Variants in CHRM3 observed in about 807,000 individuals in gnomAD.
The protein encoded by CHRM3 is cholinergic receptor muscarinic 3.
A neutral mutation model predicts 41.8 loss-of-function variants in CHRM3; 11 were observed. The observed-to-expected ratio is 0.26, with a 90% CI of 0.17 to 0.44. The LOEUF is 0.44. CHRM3 is among the 20% of genes least tolerant of loss of function. The probability of loss-of-function intolerance (pLI) is 1.00; values close to 1 mark genes in which losing one functional copy is unlikely to be tolerated. For synonymous variants in CHRM3, 297 were observed against 301.4 expected (o/e 0.99, Z 0.15); for missense variants, 571 against 745.4 (o/e 0.77, Z 2.72).
chr1:239,686,096 TCTC>T (rs1659122625), intron 5 of CHRM3, among the ~76,000 whole-genome samples: 1 of 152,138 alleles, frequency 6.6e-6, no homozygotes, highest in Non-Finnish European at 1.5e-5. Context: ...TCTTTAATAG[TCTC>T]CTTCATGATC....
intron 3 of CHRM3, among the ~76,000 whole-genome samples, chr1:239,597,857 A>ATTTT (rs1664974269): frequency 2.4e-5 from 1 of 41,120 alleles, no homozygotes; most frequent in Non-Finnish European, 7.0e-5. Flanking sequence ...AAACTGTCAG[A>ATTTT]GTTTTTTTTT....
intron 5 of CHRM3, among the ~76,000 whole-genome samples, chr1:239,773,200 G>T (rs1334886335): frequency 6.6e-6 from 1 of 152,156 alleles, no homozygotes; most frequent in Non-Finnish European, 1.5e-5. Flanking sequence ...GCATACTTGG[G>T]TCTGCTGTAC....
chr1:239,599,306 T>C (rs1291431439), intron 3 of CHRM3, among the ~76,000 whole-genome samples: 1 of 152,124 alleles, frequency 6.6e-6, no homozygotes, highest in Non-Finnish European at 1.5e-5. Context: ...CTCTCCCTCA[T>C]AGTTTCTATG....
intron 1 of CHRM3, among the ~76,000 whole-genome samples, chr1:239,413,979 G>T (rs1308099079): frequency 6.6e-6 from 1 of 152,156 alleles, no homozygotes; most frequent in Non-Finnish European, 1.5e-5. Flanking sequence ...CCAAGCATGA[G>T]GTGTTTGTTG....
chr1:239,449,491 A>G (rs1664404747), intron 1 of CHRM3, among the ~76,000 whole-genome samples: 1 of 152,150 alleles, frequency 6.6e-6, no homozygotes, highest in Non-Finnish European at 1.5e-5. Flanking sequence ...TTAAAAATGG[A>G]AGGGTGGGTA....
At chr1:239,715,395 C>G (rs1481038764) in intron 5 of CHRM3, among the ~76,000 whole-genome samples, 1 of 152,020 alleles carries the variant, frequency 6.6e-6, no homozygotes, top group Admixed American at 6.6e-5. Context: ...ATAAACCAGG[C>G]CTCCAGAGGA....
chr1:239,739,446 G>C (rs1664657067), intron 5 of CHRM3, among the ~76,000 whole-genome samples: 1 of 152,174 alleles, frequency 6.6e-6, no homozygotes, highest in Non-Finnish European at 1.5e-5. Context: ...TGAAACTTTA[G>C]TCAGGTGAGC....
intron 1 of CHRM3, among the ~76,000 whole-genome samples, chr1:239,475,861 A>G (rs1334761611): frequency 6.6e-6 from 1 of 152,172 alleles, no homozygotes; most frequent in African/African-American, 2.4e-5. Flanking sequence ...GAAATTTATT[A>G]GCTTCAATAT....
chr1:239,666,146 G>T (rs935090364), intron 4 of CHRM3, among the ~76,000 whole-genome samples: 1 of 151,648 alleles, frequency 6.6e-6, no homozygotes, highest in Non-Finnish European at 1.5e-5. Context: ...CAGTGTAAAA[G>T]CATTCCTATT....
At chr1:239,784,607 C>T (rs891171284) in intron 5 of CHRM3, among the ~76,000 whole-genome samples, 5 of 152,258 alleles carry the variant, frequency 3.3e-5, no homozygotes, top group East Asian at 1.9e-4. Flanking sequence ...ATTATTAATA[C>T]GTCGTTACAA....
chr1:239,763,057 A>G (rs1666930078), intron 5 of CHRM3, among the ~76,000 whole-genome samples: 1 of 152,218 alleles, frequency 6.6e-6, no homozygotes, highest in Admixed American at 6.5e-5. Flanking sequence ...GAAGAACGCT[A>G]TTAAAATGCT....
chr1:239,575,429 A>G (rs1027184207), intron 3 of CHRM3, among the ~76,000 whole-genome samples: 10 of 152,190 alleles, frequency 6.6e-5, no homozygotes, highest in Admixed American at 5.2e-4. Flanking sequence ...GACAACCCAA[A>G]TAATTCATAT....
At chr1:239,797,281 G>A (rs1396689569) in intron 5 of CHRM3, among the ~76,000 whole-genome samples, 1 of 151,942 alleles carries the variant, frequency 6.6e-6, no homozygotes, top group Non-Finnish European at 1.5e-5. Flanking sequence ...GAGTTCCATA[G>A]AAGCCCAAAA....
chr1:239,469,417 G>GT (rs1485094648), intron 1 of CHRM3, among the ~76,000 whole-genome samples: 1 of 152,180 alleles, frequency 6.6e-6, no homozygotes, highest in Non-Finnish European at 1.5e-5. Flanking sequence ...CACGTAGAAG[G>GT]TTTTTTAACA....
chr1:239,388,813 C>G (rs1232010286), intron 1 of CHRM3, among the ~76,000 whole-genome samples: 1 of 152,330 alleles, frequency 6.6e-6, no homozygotes, highest in East Asian at 1.9e-4. Context: ...TGGTTTACAT[C>G]ATAGCTTCTA....
intron 1 of CHRM3, among the ~76,000 whole-genome samples, chr1:239,427,539 T>C (rs1252270904): frequency 6.6e-6 from 1 of 152,062 alleles, no homozygotes. Flanking sequence ...GCCACCATCT[T>C]ATTTTCTTCC....
intron 3 of CHRM3, among the ~76,000 whole-genome samples, chr1:239,560,554 T>G (rs1660757079): frequency 6.6e-6 from 1 of 152,172 alleles, no homozygotes; most frequent in Admixed American, 6.5e-5. Context: ...CTAAGTATTA[T>G]TCTAAAATAT....
chr1:239,603,073 A>G (rs1031108237), intron 3 of CHRM3, among the ~76,000 whole-genome samples: 3 of 145,772 alleles, frequency 2.1e-5, no homozygotes, highest in Non-Finnish European at 4.5e-5. Flanking sequence ...TAAGAGTTCA[A>G]CTGCTCTAGA....
intron 5 of CHRM3, among the ~76,000 whole-genome samples, chr1:239,736,795 A>T (rs959457070): frequency 1.3e-5 from 2 of 152,162 alleles, no homozygotes; most frequent in African/African-American, 4.8e-5. Flanking sequence ...ATAAAGTGTA[A>T]TTAAGTAACT....
Sources: gnomAD v4.1 joint callset for allele counts (sites outside exome capture counted in the v4.1 genomes callset) on GRCh38, gnomAD v4.1.1 for gene constraint, MANE v1.5 for transcripts, NCBI Gene and HGNC (gene_info 2026-07-23, HGNC 2026-07-21) for gene names.